The following PLPP4 variants were observed in gnomAD, a reference collection of about 807,000 sequenced individuals.
The protein encoded by PLPP4 is phospholipid phosphatase 4.
In PLPP4, 20 loss-of-function variants were observed where a neutral mutation model predicts 32.2. The ratio of observed to expected loss-of-function variants is 0.62; its 90% CI spans 0.44 to 0.90. The LOEUF is 0.90. Among genes scored for constraint, PLPP4 ranks in the 40% least tolerant of loss-of-function variants. PLPP4 has a pLI of 0.00. For synonymous variants in PLPP4, 127 were observed against 133.0 expected (o/e 0.95, Z 0.31); for missense variants, 257 against 353.1 (o/e 0.73, Z 2.18).
chr10:120,502,495 T>G (rs954583456), intron 1 of PLPP4, among the ~76,000 whole-genome samples: 5 of 152,090 alleles, frequency 3.3e-5, no homozygotes, highest in Admixed American at 2.0e-4. Flanking sequence ...CCCAAATAGA[T>G]GTTAACTTCT....
intron 1 of PLPP4, among the ~76,000 whole-genome samples, chr10:120,500,968 T>G (rs963308327): frequency 6.6e-6 from 1 of 152,044 alleles, no homozygotes; most frequent in African/African-American, 2.4e-5. Flanking sequence ...TATCACTGAT[T>G]CCCCCCACCC....
intron 5 of PLPP4, 33 bp downstream of exon 5, chr10:120,521,128 C>T (rs755886700): frequency 3.1e-6 from 5 of 1,611,702 alleles, no homozygotes; most frequent in East Asian, 4.5e-5. Context: ...CTTAATGCCC[C>T]CAGTCATGTT....
intron 5 of PLPP4, among the ~76,000 whole-genome samples, chr10:120,551,135 A>G (rs953414729): frequency 2.6e-5 from 4 of 152,180 alleles, no homozygotes; most frequent in Non-Finnish European, 5.9e-5. Flanking sequence ...CAGTAAGCAC[A>G]TGAAAAGGTG....
Position 120,589,294 on chromosome 10 carries a change from C to G in PLPP4, c.617-9C>G. ...ACCCATTTTTCCTGCTCTGCTGTTT[C>G]CTGCCTAGATTCCTTTGTGGGTGGA... On this transcript the variant is annotated splice_polypyrimidine_tract_variant and intron_variant, in intron 6 of 6. Coordinates refer to ENST00000398250, the MANE Select transcript of PLPP4 (RefSeq NM_001030059.3). 1 of 1,613,928 alleles carries G rather than the reference C, an allele frequency of 6.2e-7. No individual in the cohort carries two copies. Among genetic ancestry groups the G allele is most frequent in the Non-Finnish European group, 8.5e-7 (1 of 1,179,824 alleles).
chr10:120,587,487 C>T (rs1006428514), intron 6 of PLPP4: 1 of 152,202 alleles, frequency 6.6e-6, no homozygotes, highest in South Asian at 2.1e-4. Context: ...AAATTACATG[C>T]ATGAAATTAC....
chr10:120,509,941 A>G (rs1845659451), intron 2 of PLPP4, among the ~76,000 whole-genome samples: 1 of 152,232 alleles, frequency 6.6e-6, no homozygotes, highest in African/African-American at 2.4e-5. Context: ...CATTGTGGTC[A>G]AAAGTGCAGA....
chr10:120,528,691 C>G (rs1846547274), intron 5 of PLPP4, among the ~76,000 whole-genome samples: 1 of 152,098 alleles, frequency 6.6e-6, no homozygotes, highest in Non-Finnish European at 1.5e-5. Flanking sequence ...TCCTGGGAGG[C>G]TTGCTTTGGG....
chr10:120,480,470 A>G (rs1219959073), intron 1 of PLPP4, among the ~76,000 whole-genome samples: 1 of 152,202 alleles, frequency 6.6e-6, no homozygotes, highest in Non-Finnish European at 1.5e-5. Flanking sequence ...GAAGACCGAG[A>G]TGGAAAGCTA....
chr10:120,508,631 C>T (rs1366087902), intron 2 of PLPP4, among the ~76,000 whole-genome samples: 2 of 152,198 alleles, frequency 1.3e-5, no homozygotes, highest in Non-Finnish European at 2.9e-5. Context: ...GGGGATGACT[C>T]ACTTTCTGGG....
chr10:120,530,690 TA>T (rs1405296239), intron 5 of PLPP4, among the ~76,000 whole-genome samples: 1 of 152,086 alleles, frequency 6.6e-6, no homozygotes, highest in Non-Finnish European at 1.5e-5. Flanking sequence ...ATTGCTTGGT[TA>T]AAAGTGAGGT....
chr10:120,562,446 C>T (rs980152389), intron 5 of PLPP4, among the ~76,000 whole-genome samples: 2 of 152,056 alleles, frequency 1.3e-5, no homozygotes, highest in East Asian at 3.9e-4. Flanking sequence ...CTTGTCTTCT[C>T]TAACTAGGGC....
chr10:120,538,161 T>C (rs1847153023), intron 5 of PLPP4, among the ~76,000 whole-genome samples: 1 of 147,598 alleles, frequency 6.8e-6, no homozygotes, highest in South Asian at 2.3e-4. Context: ...AACTCATAAG[T>C]CTGGATAAGT....
At chr10:120,560,311 C>T (rs181891249) in intron 5 of PLPP4, among the ~76,000 whole-genome samples, 3 of 138,654 alleles carry the variant, frequency 2.2e-5, no homozygotes, top group African/African-American at 8.2e-5. Flanking sequence ...ATGAATGAAT[C>T]GAGCCTAAGG....
At chr10:120,518,973 G>A in intron 4 of PLPP4, 77 bp downstream of exon 4, 1 of 1,129,760 alleles carries the variant, frequency 8.9e-7, no homozygotes, top group South Asian at 1.5e-5. Flanking sequence ...AGAGGACACT[G>A]GATGGGACAG....
intron 5 of PLPP4, among the ~76,000 whole-genome samples, chr10:120,538,854 A>C (rs2901245): frequency 0.86 from 130,266 of 152,174 alleles, 56,040 homozygotes; most frequent in Middle Eastern, 0.89. Context: ...TGTCCAGTTG[A>C]GGAAACTGAG....
intron 1 of PLPP4, among the ~76,000 whole-genome samples, chr10:120,464,548 G>C (rs1406780767): frequency 6.6e-6 from 1 of 152,190 alleles, no homozygotes; most frequent in Non-Finnish European, 1.5e-5. Context: ...TGTCCGATGA[G>C]TCGGAACCCC....
At chr10:120,491,645 G>A (rs1203279801) in intron 1 of PLPP4, among the ~76,000 whole-genome samples, 1 of 152,114 alleles carries the variant, frequency 6.6e-6, no homozygotes, top group African/African-American at 2.4e-5. Context: ...GGGCAAAGTT[G>A]TTTTACAGAA....
At chr10:120,541,210 G>T (rs1847326446) in intron 5 of PLPP4, among the ~76,000 whole-genome samples, 1 of 152,168 alleles carries the variant, frequency 6.6e-6, no homozygotes, top group Admixed American at 6.5e-5. Flanking sequence ...GTTTGACCTG[G>T]TTCCATGACT....
intron 5 of PLPP4, among the ~76,000 whole-genome samples, chr10:120,549,130 A>G (rs1468095184): frequency 1.3e-5 from 2 of 151,456 alleles, no homozygotes; most frequent in Admixed American, 6.6e-5. Flanking sequence ...TGAAATCAAT[A>G]AACTCCTAAC....
Sources: gnomAD v4.1 joint callset for allele counts (sites outside exome capture counted in the v4.1 genomes callset) on GRCh38, gnomAD v4.1.1 for gene constraint, MANE v1.5 for transcripts, NCBI Gene and HGNC (gene_info 2026-07-23, HGNC 2026-07-21) for gene names.